GABRG1: variants seen among roughly 807,000 people sequenced by gnomAD.
The protein encoded by GABRG1 is gamma-aminobutyric acid receptor subunit gamma-1.
In GABRG1, 49 loss-of-function variants were observed where a neutral mutation model predicts 49.8. The ratio of observed to expected loss-of-function variants is 0.98; its 90% confidence interval spans 0.78 to 1.25. GABRG1 has a LOEUF of 1.25. Ranked by LOEUF, GABRG1 falls within the 50% of genes most tolerant of loss-of-function variation. GABRG1 has a pLI of 0.00. For synonymous variants in GABRG1, 232 were observed against 185.1 expected, an observed-to-expected ratio of 1.25 and a Z score of -2.06; for missense variants, 552 against 552.3, an observed-to-expected ratio of 1.00 and a Z score of 0.01.
chr4:46,052,472 T>A (rs1188396770), intron 7 of GABRG1, among the ~76,000 whole-genome samples: 1 of 151,814 alleles, frequency 6.6e-6, no homozygotes, highest in Non-Finnish European at 1.5e-5. Context: ...ACAGAGTAAA[T>A]CCTTTTATTT....
chr4:46,087,685 C>A (rs1472637741), intron 2 of GABRG1, among the ~76,000 whole-genome samples: 1 of 151,792 alleles, frequency 6.6e-6, no homozygotes. Flanking sequence ...AGGTCCATAC[C>A]ACATATAGAC....
At position 46,091,314 on chromosome 4, in the gene GABRG1, C is replaced by T. The variant is rs537342254; in HGVS notation, c.253+5887G>A. On this transcript the variant is annotated intron_variant, in intron 2 of 8. Transcript: ENST00000295452. Reference sequence around the variant, plus strand: ...CCTGACTATCGAAACAAAATTAAGTCCTCTCTGGAATAAAATAATGTCATG... The same window carrying T: ...CCTGACTATCGAAACAAAATTAAGTTCTCTCTGGAATAAAATAATGTCATG... 2.6e-5 allele frequency among the ~76,000 whole-genome samples: 4 copies of T among 152,082 alleles called. No individual in the cohort carries two copies. In the East Asian group the frequency reaches 7.8e-4, roughly 30 times the overall value.
chr4:46,050,930 A>C (rs1317436082), intron 8 of GABRG1, among the ~76,000 whole-genome samples: 5 of 151,924 alleles, frequency 3.3e-5, no homozygotes, highest in Non-Finnish European at 7.4e-5. Context: ...ATCCATTTTA[A>C]TATATTAGAC....
intron 3 of GABRG1, among the ~76,000 whole-genome samples, chr4:46,074,123 C>T (rs1433513512): frequency 6.6e-6 from 1 of 152,172 alleles, no homozygotes; most frequent in Non-Finnish European, 1.5e-5. Flanking sequence ...TTTCTATCCA[C>T]ATGTGCAACA....
chr4:46,041,289 A>T, intron 8 of GABRG1, 35 bp from the exon 9 acceptor site: 1 of 1,600,372 alleles, frequency 6.2e-7, no homozygotes, highest in South Asian at 1.1e-5. Flanking sequence ...TTGACATCAA[A>T]AAAGTAGCAT....
At position 46,058,633 on chromosome 4, in the gene GABRG1, A is replaced by C; in HGVS notation, c.626-11T>G. 1.9e-6 allele frequency: 3 copies of C among 1,605,090 alleles called. No homozygotes were observed. The highest frequency in any genetic ancestry group is 2.6e-6 in the Non-Finnish European group (3 of 1,174,502). On this transcript the variant is annotated splice_polypyrimidine_tract_variant and intron_variant, in intron 5 of 8. Coordinates refer to ENST00000295452, the MANE Select transcript of GABRG1 (RefSeq NM_173536.4). ...TTTTAGGGTATCCATCTATAGAGAAAAAATACATAGATTAGCAAGATCCAA... is the reference window on the plus strand; with the variant it reads ...TTTTAGGGTATCCATCTATAGAGAACAAATACATAGATTAGCAAGATCCAA...
chr4:46,102,996 A>G (rs868014930), intron 1 of GABRG1, among the ~76,000 whole-genome samples: 10 of 150,018 alleles, frequency 6.7e-5, no homozygotes, highest in Non-Finnish European at 1.3e-4. Flanking sequence ...CTTGGTTTAC[A>G]CCTGTTGCCC....
rs935372337 is a variant in GABRG1 at position 46,123,758 on chromosome 4, G to A, written c.104+52C>T. ...TAATTTTTAAAAGAAAGGGGAATAAGGGGAAAGGGGTAGATAGCAAAGAAT... is the reference window on the plus strand; with the variant it reads ...TAATTTTTAAAAGAAAGGGGAATAAAGGGAAAGGGGTAGATAGCAAAGAAT... On this transcript the variant is annotated intron_variant, in intron 1 of 8. Transcript: ENST00000295452. 24 of 1,300,346 alleles carry A rather than the reference G, an allele frequency of 1.8e-5. No homozygotes were observed. The South Asian group carries it at 2.6e-4, about 14-fold the overall frequency. 80.6% of individuals were successfully genotyped at this position (1,300,346 alleles called of 1,614,324 possible). A position where few individuals can be genotyped will look rare whatever the true frequency, so the allele number is the denominator to read the frequency against.
intron 1 of GABRG1, among the ~76,000 whole-genome samples, chr4:46,102,146 G>C (rs1243173791): frequency 6.6e-6 from 1 of 151,546 alleles, no homozygotes; most frequent in African/African-American, 2.4e-5. Context: ...GAGTATTTTA[G>C]AGAGAGGTAG....
chr4:46,059,258 C>G (rs570256869), intron 5 of GABRG1, among the ~76,000 whole-genome samples: 1 of 152,070 alleles, frequency 6.6e-6, no homozygotes, highest in African/African-American at 2.4e-5. Context: ...GCATGCCTCC[C>G]GAAACGTGGC....
intron 5 of GABRG1, among the ~76,000 whole-genome samples, chr4:46,061,454 CAAT>C (rs1718670836): frequency 6.6e-6 from 1 of 151,862 alleles, no homozygotes; most frequent in Non-Finnish European, 1.5e-5. Flanking sequence ...TCTGTGAAAA[CAAT>C]AAATTTCAAA....
chr4:46,058,577 G>A lies in GABRG1; in HGVS notation c.671C>T (p.Ser224Phe). Residue 224 changes from serine to phenylalanine, a missense_variant, in exon 6 of 9, where the codon TCC (serine) becomes TTC (phenylalanine). Transcript: ENST00000295452. ...GTATTTAGGATCAGCCACTTCTACGGAGGGCTTTTTCCACTTATACTCAAT... is the reference window on the plus strand; with the variant it reads ...GTATTTAGGATCAGCCACTTCTACGAAGGGCTTTTTCCACTTATACTCAAT... The part of the protein sequence containing the change: ...NEIEYKWKKP[S>F]VEVADPKYWR... The A allele has an allele frequency of 6.2e-7, 1 of 1,612,822 alleles. No individual in the cohort carries two copies. Among genetic ancestry groups the A allele is most frequent in the Non-Finnish European group, 8.5e-7 (1 of 1,179,234 alleles).
At chr4:46,052,743 T>C (rs1434638716) in intron 7 of GABRG1, among the ~76,000 whole-genome samples, 1 of 151,994 alleles carries the variant, frequency 6.6e-6, no homozygotes, top group Non-Finnish European at 1.5e-5. Context: ...TAAATGCTTC[T>C]TAATTTGACC....
intron 2 of GABRG1, among the ~76,000 whole-genome samples, chr4:46,093,621 A>G (rs1280472087): frequency 1.3e-5 from 2 of 152,034 alleles, no homozygotes; most frequent in Non-Finnish European, 2.9e-5. Context: ...CCAAAAAGAA[A>G]TGATAAATAC....
chr4:46,083,250 A>G (rs565792984), intron 3 of GABRG1, among the ~76,000 whole-genome samples: 7 of 151,922 alleles, frequency 4.6e-5, no homozygotes, highest in African/African-American at 1.4e-4. Context: ...TTGCAACTGC[A>G]GTAGGTAAGC....
chr4:46,095,958 G>C (rs1419292053), intron 2 of GABRG1, among the ~76,000 whole-genome samples: 2 of 151,386 alleles, frequency 1.3e-5, no homozygotes, highest in Admixed American at 1.3e-4. Flanking sequence ...TATCTTTTTT[G>C]CTCCTCTCCT....
chr4:46,103,934 G>A (rs183734612), intron 1 of GABRG1, among the ~76,000 whole-genome samples: 138 of 151,364 alleles, frequency 9.1e-4, no homozygotes, highest in Non-Finnish European at 1.8e-3. Flanking sequence ...GTTATGATTA[G>A]CTGCATGTAA....
rs139051896 is a variant in GABRG1, at chr4:46,067,366, A to T, written c.322-1782T>A. 3.2e-3 allele frequency among the ~76,000 whole-genome samples: 491 copies of T among 152,248 alleles called. 2 individuals carry two copies. Among genetic ancestry groups the T allele is most frequent in the African/African-American group, 0.011 (476 of 41,558 alleles). On this transcript the variant is annotated intron_variant, in intron 3 of 8. Coordinates refer to ENST00000295452, the MANE Select transcript of GABRG1 (RefSeq NM_173536.4). ...ACCAGAAACTATGTAATTGAGTATG[A>T]GATGTATGTTTTATAAAGGGCTTAA...
At chr4:46,094,863 A>G (rs1166606782) in intron 2 of GABRG1, among the ~76,000 whole-genome samples, 2 of 151,972 alleles carry the variant, frequency 1.3e-5, no homozygotes, top group Non-Finnish European at 1.5e-5. Context: ...GGACAAAATA[A>G]TTATTGCAGA....
Sources: allele counts gnomAD v4.1 joint callset (sites outside exome capture counted in the v4.1 genomes callset), GRCh38; gene constraint gnomAD v4.1.1; transcripts MANE v1.5; gene names NCBI Gene and HGNC (gene_info 2026-07-23, HGNC 2026-07-21).